The following SAMD12 variants were observed in gnomAD, a reference collection of about 807,000 sequenced individuals.
SAMD12 encodes the protein sterile alpha motif domain-containing protein 12.
Under a neutral mutation model 15.0 loss-of-function variants are expected in SAMD12, and 9 were observed. The ratio of observed to expected loss-of-function variants is 0.60; its 90% confidence interval spans 0.36 to 1.05. The LOEUF is 1.05. SAMD12 is among the 50% of genes least tolerant of loss of function. The pLI, the probability that SAMD12 is intolerant of heterozygous loss-of-function variation, is 0.01. For synonymous variants in SAMD12, 86 were observed against 90.1 expected (o/e 0.96, Z 0.25); for missense variants, 230 against 234.2 (o/e 0.98, Z 0.12).
At chr8:118,147,691 A>C in the SAMD12 span, among the ~76,000 whole-genome samples, 1 of 151,930 alleles carries the variant, frequency 6.6e-6, no homozygotes, top group Non-Finnish European at 1.5e-5. Flanking sequence ...AAAAAGGTTA[A>C]AGAACATGTC....
At chr8:118,545,116 T>C (rs1263433938) in intron 2 of SAMD12, among the ~76,000 whole-genome samples, 1 of 152,054 alleles carries the variant, frequency 6.6e-6, no homozygotes, top group Non-Finnish European at 1.5e-5. Flanking sequence ...ACTATATAAA[T>C]ATGTGTGTGT....
At chr8:118,327,403 C>T (rs186067258) in intron 4 of SAMD12, among the ~76,000 whole-genome samples, 3 of 152,308 alleles carry the variant, frequency 2.0e-5, no homozygotes, top group Admixed American at 6.5e-5. Context: ...TTGTCATTCA[C>T]ATCCAAAGCA....
chr8:118,619,661 G>A (rs1483306080), intron 1 of SAMD12, among the ~76,000 whole-genome samples: 1 of 152,120 alleles, frequency 6.6e-6, no homozygotes, highest in African/African-American at 2.4e-5. Flanking sequence ...ACTGTGCTAT[G>A]AGCTAGGAAT....
At chr8:118,551,038 A>G (rs1432113892) in intron 2 of SAMD12, among the ~76,000 whole-genome samples, 1 of 152,144 alleles carries the variant, frequency 6.6e-6, no homozygotes, top group Non-Finnish European at 1.5e-5. Context: ...GCAAGTCCTG[A>G]GTGACCTACA....
chr8:118,542,498 G>GA (rs1462963691), intron 2 of SAMD12, among the ~76,000 whole-genome samples: 2 of 152,126 alleles, frequency 1.3e-5, no homozygotes, highest in Admixed American at 6.6e-5. Flanking sequence ...GTTTCTAAGG[G>GA]AATGTGGTTC....
At chr8:118,499,909 A>G (rs1824730439) in intron 2 of SAMD12, among the ~76,000 whole-genome samples, 1 of 152,062 alleles carries the variant, frequency 6.6e-6, no homozygotes, top group East Asian at 1.9e-4. Context: ...ATATGGCTTC[A>G]TGGTCCTCTA....
chr8:118,213,704 G>C (rs1398702678), intron 4 of SAMD12, among the ~76,000 whole-genome samples: 1 of 152,180 alleles, frequency 6.6e-6, no homozygotes, highest in African/African-American at 2.4e-5. Flanking sequence ...AGCAAGACTT[G>C]TTCTAGAATC....
At chr8:118,408,388 A>G (rs758981649) in intron 3 of SAMD12, among the ~76,000 whole-genome samples, 16 of 152,148 alleles carry the variant, frequency 1.1e-4, no homozygotes, top group Non-Finnish European at 1.6e-4. Flanking sequence ...CCACTCTGCA[A>G]CTTTATTCCA....
chr8:118,248,631 C>CTT lies in SAMD12; in HGVS notation c.434-50901_434-50900dup, dbSNP rs34819632. Among the ~76,000 whole-genome samples, 190 of 149,848 alleles carry CTT rather than the reference C, an allele frequency of 1.3e-3. 2 individuals carry two copies. The East Asian group carries it at 0.029, about 23-fold the overall frequency. ...AAAAAAATGATTACTGAATAGATGA[C>CTT]TTTTTTTTTTATACATCAGAAGATG... On this transcript the variant is annotated intron_variant, in intron 4 of 4. Transcript: ENST00000409003.
chr8:118,610,787 T>G (rs150682217), intron 1 of SAMD12, among the ~76,000 whole-genome samples: 1 of 152,156 alleles, frequency 6.6e-6, no homozygotes, highest in African/African-American at 2.4e-5. Flanking sequence ...AGAGCTTCAG[T>G]CTCTCTCCCC....
chr8:118,201,912 A>G (rs1819726300), intron 4 of SAMD12, among the ~76,000 whole-genome samples: 1 of 152,228 alleles, frequency 6.6e-6, no homozygotes, highest in South Asian at 2.1e-4. Flanking sequence ...GGAATCAATC[A>G]TCATATTTAG....
intron 2 of SAMD12, among the ~76,000 whole-genome samples, chr8:118,569,857 G>A (rs1211394446): frequency 1.2e-4 from 18 of 152,198 alleles, no homozygotes; most frequent in Non-Finnish European, 2.9e-5. Context: ...AGCTGAGGCT[G>A]ACTAATACAG....
At chr8:118,203,944 A>G (rs566697211) in intron 4 of SAMD12, among the ~76,000 whole-genome samples, 3 of 149,960 alleles carry the variant, frequency 2.0e-5, no homozygotes, top group African/African-American at 7.4e-5. Flanking sequence ...TCTATTTTCT[A>G]CTCCTGGTTG....
intron 2 of SAMD12, among the ~76,000 whole-genome samples, chr8:118,515,146 G>T (rs568942480): frequency 6.7e-6 from 1 of 149,430 alleles, no homozygotes; most frequent in African/African-American, 2.5e-5. Context: ...AGCCTCCCGA[G>T]TAGCTGGGAC....
chr8:118,549,122 A>G (rs1255012993), intron 2 of SAMD12, among the ~76,000 whole-genome samples: 3 of 152,214 alleles, frequency 2.0e-5, no homozygotes, highest in Non-Finnish European at 2.9e-5. Flanking sequence ...CAAAAAGACA[A>G]CAGTAACCTC....
At chr8:118,472,473 G>A (rs4077318) in intron 2 of SAMD12, among the ~76,000 whole-genome samples, 4,255 of 152,010 alleles carry the variant, frequency 0.028, 167 homozygotes, top group African/African-American at 0.084. Flanking sequence ...GACTGCTTGA[G>A]TCCAAAACAA....
At chr8:118,448,917 A>G (rs1162590878) in intron 2 of SAMD12, among the ~76,000 whole-genome samples, 2 of 152,210 alleles carry the variant, frequency 1.3e-5, no homozygotes, top group East Asian at 1.9e-4. Context: ...TGGTTTAACT[A>G]AAGTACTTTA....
chr8:118,551,671 AAAATC>A (rs1376933025), intron 2 of SAMD12, among the ~76,000 whole-genome samples: 42 of 150,880 alleles, frequency 2.8e-4, no homozygotes, highest in African/African-American at 1.0e-3. Context: ...AGAAATAACT[AAAATC>A]AGAGCAGAAC....
intron 4 of SAMD12, among the ~76,000 whole-genome samples, chr8:118,298,047 T>A (rs1345433978): frequency 6.8e-6 from 1 of 147,332 alleles, no homozygotes; most frequent in Non-Finnish European, 1.5e-5. Context: ...TCAGCCTTCT[T>A]ACCCGACAGG....
Sources: allele counts gnomAD v4.1 joint callset (sites outside exome capture counted in the v4.1 genomes callset), GRCh38; gene constraint gnomAD v4.1.1; transcripts MANE v1.5; gene names NCBI Gene and HGNC (gene_info 2026-07-23, HGNC 2026-07-21).